AKT3: variants seen among roughly 807,000 people sequenced by gnomAD.
The protein encoded by AKT3 is AKT serine/threonine kinase 3, also known as RAC-gamma serine/threonine-protein kinase.
Under a neutral mutation model 65.3 loss-of-function variants are expected in AKT3, and 15 were observed. The observed-to-expected ratio is 0.23, with a 90% CI of 0.15 to 0.35. The LOEUF (loss-of-function observed/expected upper bound fraction) is 0.35. AKT3 is among the 10% of genes least tolerant of loss of function. AKT3 has a pLI of 1.00. For missense variants in AKT3, 243 were observed against 576.5 expected (o/e 0.42, Z 5.92); for synonymous variants, 206 against 183.8 (o/e 1.12, Z -0.98).
chr1:243,613,850 T>G (rs370828710), intron 7 of AKT3, 111 bp from the exon 8 acceptor site: 3 of 593,760 alleles, frequency 5.1e-6, no homozygotes, highest in African/African-American at 3.8e-5. Context: ...ATGAAAAGAA[T>G]TGTTATTGTT....
intron 8 of AKT3, among the ~76,000 whole-genome samples, chr1:243,606,532 G>C (rs1204350887): frequency 6.6e-6 from 1 of 152,200 alleles, no homozygotes; most frequent in Admixed American, 6.5e-5. Flanking sequence ...GGGGTATCTG[G>C]TGGAGGAAAT....
intron 2 of AKT3, among the ~76,000 whole-genome samples, chr1:243,842,093 T>G (rs1695276678): frequency 6.6e-6 from 1 of 152,198 alleles, no homozygotes. Flanking sequence ...TTTGTTACAC[T>G]ACTGTGTATC....
chr1:243,768,461 T>C (rs1689966481), intron 2 of AKT3, among the ~76,000 whole-genome samples: 1 of 152,186 alleles, frequency 6.6e-6, no homozygotes, highest in African/African-American at 2.4e-5. Context: ...TAGGTCAAAA[T>C]GTCATTCTGT....
At chr1:243,632,262 C>T (rs184712366) in intron 6 of AKT3, among the ~76,000 whole-genome samples, 14 of 152,278 alleles carry the variant, frequency 9.2e-5, no homozygotes, top group Middle Eastern at 3.4e-3. Flanking sequence ...GCAGAATGGA[C>T]GTTGATAATG....
chr1:243,676,150 G>A (rs2147958273), intron 3 of AKT3, among the ~76,000 whole-genome samples: 1 of 152,278 alleles, frequency 6.6e-6, no homozygotes, highest in South Asian at 2.1e-4. Flanking sequence ...AGGTCAACGA[G>A]TTGAAGTGAA....
intron 3 of AKT3, among the ~76,000 whole-genome samples, chr1:243,675,012 C>A (rs1683404202): frequency 6.6e-6 from 1 of 152,118 alleles, no homozygotes; most frequent in South Asian, 2.1e-4. Context: ...CTATTATTTC[C>A]ATCTTTATGT....
rs574330168 is a variant in AKT3 at position 243,750,331 on chromosome 1, TTCTC to T, written c.47-54619_47-54616del. 5.8e-3 allele frequency among the ~76,000 whole-genome samples: 875 copies of T among 151,970 alleles called. 6 individuals are homozygous for T. The highest frequency in any genetic ancestry group is 0.02 in the African/African-American group (821 of 41,434). On this transcript the variant is annotated intron_variant, in intron 2 of 13. Coordinates refer to ENST00000673466, the MANE Select transcript of AKT3 (RefSeq NM_005465.7). ...TAGATGTGTCCTAAGGTTTTAAAAATTCTCTATTATGTTAACTTGCAACTACTGT... is the reference window on the plus strand; with the variant it reads ...TAGATGTGTCCTAAGGTTTTAAAAATTATTATGTTAACTTGCAACTACTGT...
chr1:243,565,747 A>G (rs935129360), intron 9 of AKT3, among the ~76,000 whole-genome samples: 1 of 152,068 alleles, frequency 6.6e-6, no homozygotes, highest in African/African-American at 2.4e-5. Context: ...CACCTCTTTC[A>G]AACAACCTCT....
intron 4 of AKT3, among the ~76,000 whole-genome samples, chr1:243,663,020 A>G (rs1473093399): frequency 6.6e-6 from 1 of 152,224 alleles, no homozygotes; most frequent in African/African-American, 2.4e-5. Context: ...TCCACTAAGA[A>G]TAACATTTTC....
chr1:243,590,457 G>A (rs749917175), intron 8 of AKT3, among the ~76,000 whole-genome samples: 3 of 151,290 alleles, frequency 2.0e-5, no homozygotes, highest in Admixed American at 1.3e-4. Context: ...TCCAATCAAC[G>A]TTTACTAAAC....
intron 12 of AKT3, among the ~76,000 whole-genome samples, chr1:243,522,890 C>CCT (rs143385209): frequency 1.5e-4 from 22 of 150,810 alleles, no homozygotes; most frequent in African/African-American, 5.1e-4. Flanking sequence ...TGACCAAGAC[C>CCT]CTCTCTCTCT....
At position 243,500,806 on chromosome 1, in the gene AKT3, G is replaced by C. The variant is rs992180505; in HGVS notation, c.*4443C>G. On this transcript the variant is annotated 3_prime_UTR_variant, in exon 14 of 14. Coordinates refer to ENST00000673466, the MANE Select transcript of AKT3 (RefSeq NM_005465.7). ...CATGATCTACACACAGAGACCATTT[G>C]AATCTCTTGAGCATGTAAAAGGTTC... is the stretch of plus-strand genomic sequence containing the variant. 4.4e-6 allele frequency: 1 copy of C among 228,844 alleles called. No individual in the cohort carries two copies. Among genetic ancestry groups the C allele is most frequent in the African/African-American group, 2.2e-5 (1 of 45,108 alleles). 14.2% of individuals were successfully genotyped at this position (228,844 alleles called of 1,614,324 possible).
At chr1:243,606,180 T>C (rs1413633800) in intron 8 of AKT3, among the ~76,000 whole-genome samples, 1 of 152,210 alleles carries the variant, frequency 6.6e-6, no homozygotes, top group Non-Finnish European at 1.5e-5. Context: ...AGTACATTGG[T>C]ACCACAGAGA....
chr1:243,761,820 A>T (rs1426682127), intron 2 of AKT3, among the ~76,000 whole-genome samples: 1 of 152,174 alleles, frequency 6.6e-6, no homozygotes, highest in South Asian at 2.1e-4. Context: ...AATGTACTTT[A>T]AAAAATATGT....
chr1:243,527,878 C>CAT lies in AKT3; in HGVS notation c.1252-15453_1252-15452insAT, dbSNP rs1558589887. Among the ~76,000 whole-genome samples the CAT allele has an allele frequency of 9.1e-4, 39 of 42,722 alleles. 2 individuals carry two copies. Among genetic ancestry groups the CAT allele is most frequent in the African/African-American group, 5.2e-3 (37 of 7,136 alleles). 28.0% of individuals were successfully genotyped at this position (42,722 alleles called of 152,430 possible). On this transcript the variant is annotated intron_variant, in intron 12 of 13. Coordinates refer to ENST00000673466, the MANE Select transcript of AKT3 (RefSeq NM_005465.7). ...AAGACTCCATCTCTTAAAACACACA[C>CAT]ACACACACACACACACACACACACA...
chr1:243,798,393 ATTTTTTTTT>A (rs759264137), intron 2 of AKT3, among the ~76,000 whole-genome samples: 4 of 83,310 alleles, frequency 4.8e-5, no homozygotes, highest in Non-Finnish European at 8.5e-5. Flanking sequence ...CTAATTTTTA[ATTTTTTTTT>A]TTTTTTTTTT....
chr1:243,827,708 G>A (rs891725840), intron 2 of AKT3, among the ~76,000 whole-genome samples: 4 of 152,090 alleles, frequency 2.6e-5, no homozygotes, highest in Non-Finnish European at 4.4e-5. Flanking sequence ...TGTCGCTTTA[G>A]TACTATTTCA....
rs535515514 is a variant in AKT3 at position 243,709,961 on chromosome 1, C to T, written c.47-14245G>A. Among the ~76,000 whole-genome samples the T allele has an allele frequency of 5.9e-5, 9 of 152,180 alleles. No homozygotes were observed. The East Asian group carries it at 7.7e-4, about 13-fold the overall frequency. ...TCTTCTGTTCTAAAAAGTGCTACCACGTTTACCCACATCTTTAATCAGATT... is the reference window on the plus strand; with the variant it reads ...TCTTCTGTTCTAAAAAGTGCTACCATGTTTACCCACATCTTTAATCAGATT... On this transcript the variant is annotated intron_variant, in intron 2 of 13. Coordinates refer to ENST00000673466, the MANE Select transcript of AKT3 (RefSeq NM_005465.7).
At chr1:243,673,041 G>A (rs958895305) in intron 3 of AKT3, among the ~76,000 whole-genome samples, 1 of 152,092 alleles carries the variant, frequency 6.6e-6, no homozygotes, top group Non-Finnish European at 1.5e-5. Flanking sequence ...TAGGCATGTT[G>A]GTTTTTTGGC....
Sources: gnomAD v4.1 joint callset for allele counts (sites outside exome capture counted in the v4.1 genomes callset) on GRCh38, gnomAD v4.1.1 for gene constraint, MANE v1.5 for transcripts, NCBI Gene and HGNC (gene_info 2026-07-23, HGNC 2026-07-21) for gene names.